The following MAPK8IP3 variants were observed in gnomAD, a reference collection of about 807,000 sequenced individuals.
MAPK8IP3 encodes C-Jun-amino-terminal kinase-interacting protein 3.
A neutral mutation model predicts 157.8 loss-of-function variants in MAPK8IP3; 49 were observed. The ratio of observed to expected loss-of-function variants is 0.31; its 90% confidence interval spans 0.25 to 0.39. MAPK8IP3 has a LOEUF of 0.39. Ranked by LOEUF, MAPK8IP3 falls within the 10% of genes least tolerant of loss-of-function variation. The pLI is 1.00. For synonymous variants in MAPK8IP3, 897 were observed against 777.7 expected, an observed-to-expected ratio of 1.15 and a Z score of -2.55; for missense variants, 1,478 against 1,889.4, an observed-to-expected ratio of 0.78 and a Z score of 4.04.
rs200755630 is a variant in MAPK8IP3, at chr16:1,768,580, C to G, written c.3846C>G (p.Asn1282Lys). The G allele has an allele frequency of 1.3e-6, 2 of 1,590,850 alleles. No homozygotes were observed. The highest frequency in any genetic ancestry group is 1.3e-5 in the African/African-American group (1 of 74,558). The change falls in exon 31 of 32, where the codon AAC (asparagine) becomes AAG (lysine). Residue 1282 changes from asparagine to lysine, a missense_variant. Coordinates refer to ENST00000610761, the MANE Select transcript of MAPK8IP3 (RefSeq NM_001318852.2). ...AGGTCGAGGGCCAGAAGCTGCGGAA[C>G]GTGCTGGTGCTGAGCGGCGGGGAGG... ...ASEVEGQKLR[N>K]VLVLSGGEGY...
At chr16:1,739,121 C>T (rs897490000) in intron 4 of MAPK8IP3, among the ~76,000 whole-genome samples, 15 of 116,416 alleles carry the variant, frequency 1.3e-4, no homozygotes, top group Non-Finnish European at 1.9e-4. Flanking sequence ...TGTGAGCATC[C>T]GTGTGAGCGT....
At chr16:1,744,801 T>G (rs2040870177) in intron 5 of MAPK8IP3, 1 of 985,370 alleles carries the variant, frequency 1.0e-6, no homozygotes, top group African/African-American at 1.7e-5. Flanking sequence ...CTTCATAAAT[T>G]GTAGCGTTTT....
chr16:1,766,831 C>CG, intron 24 of MAPK8IP3, 28 bp downstream of exon 24: 2 of 1,612,350 alleles, frequency 1.2e-6, no homozygotes, highest in African/African-American at 2.7e-5. Flanking sequence ...GAGGGCCGGG[C>CG]GGCGCGGGGG....
intron 4 of MAPK8IP3, among the ~76,000 whole-genome samples, chr16:1,738,013 ACCGT>A (rs1271566964): frequency 3.0e-4 from 18 of 60,040 alleles, no homozygotes; most frequent in African/African-American, 6.7e-4. Flanking sequence ...CATCTGTGTG[ACCGT>A]CCGTGTGAGC....
At chr16:1,763,457 G>A (rs1447030720) in intron 16 of MAPK8IP3, among the ~76,000 whole-genome samples, 200 bp from the exon 17 acceptor site, 6 of 152,238 alleles carry the variant, frequency 3.9e-5, no homozygotes, top group African/African-American at 7.2e-5. Context: ...GGCATAGCCG[G>A]TGCCAGGAAA....
Position 1,743,566 on chromosome 16 carries a change from C to G in MAPK8IP3, c.747+90C>G. ...GCGGGAGCCTCGTCTGCAGGCAGCC[C>G]TTCACGGCTCTCTGGGCCACTCGCC... On this transcript the variant is annotated intron_variant, in intron 5 of 31. Transcript: ENST00000610761. This position sits in a 1 kb window ranked among gnomAD's most constrained non-coding sequence, Gnocchi z 5.6. 1 of 1,519,418 alleles carries G rather than the reference C, an allele frequency of 6.6e-7. No individual in the cohort carries two copies. Among genetic ancestry groups the G allele is most frequent in the Non-Finnish European group, 8.7e-7 (1 of 1,144,396 alleles). The allele number at this position is 1,519,418 out of a possible 1,614,324, so 94.1% of individuals were successfully genotyped here.
chr16:1,709,667 C>T (rs1037901933), intron 1 of MAPK8IP3, among the ~76,000 whole-genome samples: 2 of 152,210 alleles, frequency 1.3e-5, no homozygotes, highest in East Asian at 1.9e-4. Context: ...AGCAGCTGAA[C>T]GGGGTGGGGG....
At chr16:1,738,946 C>T (rs1260880959) in intron 4 of MAPK8IP3, among the ~76,000 whole-genome samples, 13 of 133,856 alleles carry the variant, frequency 9.7e-5, no homozygotes, top group Non-Finnish European at 1.6e-5. Flanking sequence ...GAGAGTGTGA[C>T]CACCCATGTG....
Position 1,758,157 on chromosome 16 carries a change from C to T in MAPK8IP3, c.1226C>T (p.Ser409Leu). The T allele has an allele frequency of 6.2e-7, 1 of 1,613,802 alleles. No individual in the cohort carries two copies. Residue 409 changes from serine (S) to leucine (L), a missense_variant and splice_region_variant, in exon 9 of 32, where the codon TCA becomes TTA. Around this residue, in one of 11 missense-constraint regions of MAPK8IP3, gnomAD observed 315 missense variants for 394.4 expected, o/e 0.80. Coordinates refer to ENST00000610761, the MANE Select transcript of MAPK8IP3 (RefSeq NM_001318852.2). Reference protein sequence around the residue: ...DEGADLLGEFSVRDDFFGMGK... With the variant: ...DEGADLLGEFLVRDDFFGMGK... ...TCGCTGGACTCGCCAGGGGAGTTCTCAGGTGAGTATCTCACTCTCCTGTCT... is the reference window on the plus strand; with the variant it reads ...TCGCTGGACTCGCCAGGGGAGTTCTTAGGTGAGTATCTCACTCTCCTGTCT...
intron 2 of MAPK8IP3, among the ~76,000 whole-genome samples, chr16:1,725,153 T>TTATTAC (rs2038788547): frequency 1.5e-5 from 2 of 136,194 alleles, no homozygotes; most frequent in South Asian, 4.5e-4. Context: ...AAAGGGTTTA[T>TTATTAC]TATTATTATT....
rs370072187 is a variant in MAPK8IP3, at chr16:1,711,144, T to C, written c.318+4487T>C. ...AATATCTGTTTCATTTTTACGTTTT[T>C]AAAAACCATTTTGAAATATGTACAG... On this transcript the variant is annotated intron_variant, in intron 1 of 31. Coordinates refer to ENST00000610761, the MANE Select transcript of MAPK8IP3 (RefSeq NM_001318852.2). Among the ~76,000 whole-genome samples the C allele has an allele frequency of 9.8e-5, 15 of 152,370 alleles. No homozygotes were observed. In the South Asian group the frequency reaches 3.1e-3, roughly 32 times the overall value.
intron 5 of MAPK8IP3, chr16:1,744,316 A>T: frequency 1.0e-6 from 1 of 985,872 alleles, no homozygotes; most frequent in Non-Finnish European, 1.2e-6. Flanking sequence ...GGGCTGGTGG[A>T]TGTGGGGCCT....
At chr16:1,762,252 G>A (rs2041996055) in intron 13 of MAPK8IP3, 99 bp from the exon 14 acceptor site, 5 of 1,407,330 alleles carry the variant, frequency 3.6e-6, no homozygotes, top group African/African-American at 1.4e-5. Flanking sequence ...GAAGGAAATT[G>A]GCACTGAGAT....
chr16:1,730,498 G>T (rs2039233487), intron 4 of MAPK8IP3, among the ~76,000 whole-genome samples: 1 of 151,956 alleles, frequency 6.6e-6, no homozygotes, highest in Admixed American at 6.6e-5. Flanking sequence ...CCAGCACTTT[G>T]GGAGGCCGAG....
chr16:1,722,351 C>G (rs1202345091), intron 1 of MAPK8IP3, among the ~76,000 whole-genome samples: 2 of 152,192 alleles, frequency 1.3e-5, no homozygotes, highest in Non-Finnish European at 2.9e-5. Context: ...GAATGAGTCA[C>G]CTCTTGGGCA....
At chr16:1,729,358 G>A in intron 3 of MAPK8IP3, 129 bp from the exon 4 acceptor site, 1 of 1,258,448 alleles carries the variant, frequency 7.9e-7, no homozygotes, top group Non-Finnish European at 1.1e-6. Context: ...CCCCAGGCTG[G>A]TTAGATTCCC....
chr16:1,760,700 G>A (rs1201293823), intron 12 of MAPK8IP3, among the ~76,000 whole-genome samples, 168 bp downstream of exon 12: 2 of 152,184 alleles, frequency 1.3e-5, no homozygotes, highest in Admixed American at 6.5e-5. Context: ...GAGTGGGGCC[G>A]TGGTCTCCTC....
intron 2 of MAPK8IP3, among the ~76,000 whole-genome samples, chr16:1,728,711 A>G (rs1269612105): frequency 7.0e-6 from 1 of 142,608 alleles, no homozygotes; most frequent in Admixed American, 7.0e-5. Flanking sequence ...GCCTTCACAG[A>G]GCTGAGTGTT....
chr16:1,736,911 T>TGA (rs10666440), intron 4 of MAPK8IP3, among the ~76,000 whole-genome samples: 28,780 of 35,038 alleles, frequency 0.82, 12,798 homozygotes, highest in East Asian at 0.95. Flanking sequence ...ACCGTCTGTG[T>TGA]GAGTGACCAT....
Sources: gnomAD v4.1 joint callset for allele counts (sites outside exome capture counted in the v4.1 genomes callset) on GRCh38, gnomAD v4.1.1 for gene constraint, gnomAD v4.1.1 regional missense constraint, Gnocchi (gnomAD v3.1) non-coding constraint, MANE v1.5 for transcripts, NCBI Gene and HGNC (gene_info 2026-07-23, HGNC 2026-07-21) for gene names.